Variants in GRIK1 observed in about 807,000 individuals in gnomAD.
GRIK1 encodes the protein glutamate ionotropic receptor kainate type subunit 1.
GRIK1 carries 69 observed loss-of-function variants against 105.7 expected under a neutral mutation model. The observed-to-expected ratio is 0.65, with a 90% CI of 0.54 to 0.80. The LOEUF is 0.80. Ranked by LOEUF, GRIK1 falls within the 30% of genes least tolerant of loss-of-function variation. The pLI is 0.00. For synonymous variants in GRIK1, 438 were observed against 431.3 expected (o/e 1.02, Z -0.19); for missense variants, 1,109 against 1,167.3 (o/e 0.95, Z 0.73).
chr21:29,678,528 G>T lies in GRIK1; in HGVS notation c.545-5364C>A, dbSNP rs541509505. Among the ~76,000 whole-genome samples the T allele has an allele frequency of 2.5e-4, 38 of 152,230 alleles. No individual in the cohort carries two copies. The Middle Eastern group carries it at 0.01, about 41-fold the overall frequency. Reference sequence around the variant, plus strand: ...TTTCAACAGTAGCTAAAAAGAATATGCCTGGCCTGGAATATCTAAATATTG... The same window carrying T: ...TTTCAACAGTAGCTAAAAAGAATATTCCTGGCCTGGAATATCTAAATATTG... On this transcript the variant is annotated intron_variant, in intron 3 of 17. Coordinates refer to ENST00000327783, the MANE Select transcript of GRIK1 (RefSeq NM_001330994.2).
intron 16 of GRIK1, 76 bp downstream of exon 16, chr21:29,554,976 C>T (rs891184645): frequency 1.6e-6 from 2 of 1,255,304 alleles, no homozygotes; most frequent in South Asian, 1.4e-5. Flanking sequence ...AAAGAGCAAA[C>T]ATCCTTAAAA....
intron 1 of GRIK1, among the ~76,000 whole-genome samples, chr21:29,746,692 T>C (rs978774242): frequency 6.6e-6 from 1 of 152,252 alleles, no homozygotes; most frequent in African/African-American, 2.4e-5. Context: ...GTGTTATCAA[T>C]TTTAATGAAT....
At chr21:29,546,335 C>A (rs773833228) in intron 16 of GRIK1, among the ~76,000 whole-genome samples, 1 of 152,222 alleles carries the variant, frequency 6.6e-6, no homozygotes, top group Non-Finnish European at 1.5e-5. Flanking sequence ...GCTTCACTGC[C>A]TACACGCTGT....
rs144276579 is a variant in GRIK1 at position 29,628,090 on chromosome 21, G to A, written c.1098+14736C>T. ...TTACTGTCTTTCTCAGGTCCACAGAGTACTGTACAATGACAAATATCTGAA... is the reference window on the plus strand; with the variant it reads ...TTACTGTCTTTCTCAGGTCCACAGAATACTGTACAATGACAAATATCTGAA... On this transcript the variant is annotated intron_variant, in intron 7 of 17. Transcript: ENST00000327783. 2.0e-3 allele frequency among the ~76,000 whole-genome samples: 310 copies of A among 152,244 alleles called. 3 individuals are homozygous for A. Among genetic ancestry groups the A allele is most frequent in the African/African-American group, 7.1e-3 (295 of 41,524 alleles).
intron 1 of GRIK1, among the ~76,000 whole-genome samples, chr21:29,794,963 C>G (rs1248846129): frequency 6.7e-6 from 1 of 148,388 alleles, no homozygotes; most frequent in Non-Finnish European, 1.5e-5. Context: ...CCTGGGCAAA[C>G]AGAATGTAAG....
At chr21:29,718,674 C>T (rs2064239247) in intron 1 of GRIK1, among the ~76,000 whole-genome samples, 1 of 152,154 alleles carries the variant, frequency 6.6e-6, no homozygotes, top group African/African-American at 2.4e-5. Flanking sequence ...TGGAAAGCGG[C>T]AGGTGCACAG....
chr21:29,860,676 A>C (rs1400310847), intron 1 of GRIK1, among the ~76,000 whole-genome samples: 3 of 152,210 alleles, frequency 2.0e-5, no homozygotes, highest in African/African-American at 7.2e-5. Context: ...CATGAGTGTA[A>C]TTTGGAGGAG....
At position 29,576,937 on chromosome 21, in the gene GRIK1, A is replaced by G. The variant is rs770145820; in HGVS notation, c.2130+27T>C. On this transcript the variant is annotated intron_variant, in intron 14 of 17. Transcript: ENST00000327783. ...ACTCTACCACAAGTATCAGATAATCACTGAGAACACTTTGTCAGCTTCTTA... is the reference window on the plus strand; with the variant it reads ...ACTCTACCACAAGTATCAGATAATCGCTGAGAACACTTTGTCAGCTTCTTA... The G allele has an allele frequency of 1.5e-5, 19 of 1,241,052 alleles. No homozygotes were observed. The South Asian group carries it at 2.3e-4, about 15-fold the overall frequency. 76.9% of individuals were successfully genotyped at this position (1,241,052 alleles called of 1,614,324 possible).
At chr21:29,578,446 A>T (rs144615076) in intron 13 of GRIK1, among the ~76,000 whole-genome samples, 79 of 152,360 alleles carry the variant, frequency 5.2e-4, no homozygotes, top group African/African-American at 1.9e-3. Context: ...CTATAAACAG[A>T]TGCAAATACG....
At chr21:29,732,282 T>A (rs2064650965) in intron 1 of GRIK1, among the ~76,000 whole-genome samples, 1 of 152,086 alleles carries the variant, frequency 6.6e-6, no homozygotes, top group Non-Finnish European at 1.5e-5. Flanking sequence ...ACAAAACCCA[T>A]CAGCACCTTC....
At chr21:29,552,538 TTAA>T (rs1223700328) in intron 16 of GRIK1, among the ~76,000 whole-genome samples, 6 of 152,070 alleles carry the variant, frequency 3.9e-5, no homozygotes, top group African/African-American at 9.7e-5. Flanking sequence ...TTTAAATGAA[TTAA>T]TAATAATGAT....
intron 1 of GRIK1, among the ~76,000 whole-genome samples, chr21:29,719,520 A>G (rs963459088): frequency 2.0e-5 from 3 of 152,208 alleles, no homozygotes; most frequent in African/African-American, 4.8e-5. Context: ...ATTCCTTGAG[A>G]AGAATTTAAA....
chr21:29,744,431 T>A (rs906209319), intron 1 of GRIK1, among the ~76,000 whole-genome samples: 1 of 152,230 alleles, frequency 6.6e-6, no homozygotes, highest in African/African-American at 2.4e-5. Flanking sequence ...CGCATGCATA[T>A]GCACATTTGC....
chr21:29,899,541 C>CT (rs59280454), intron 1 of GRIK1, among the ~76,000 whole-genome samples: 195 of 146,240 alleles, frequency 1.3e-3, no homozygotes, highest in South Asian at 5.6e-3. Context: ...GCTGCTTTAC[C>CT]TTTTTTTTTT....
intron 1 of GRIK1, among the ~76,000 whole-genome samples, chr21:29,750,039 G>T (rs1459234987): frequency 1.3e-5 from 2 of 151,970 alleles, no homozygotes; most frequent in Non-Finnish European, 2.9e-5. Flanking sequence ...AGTAGTATTA[G>T]TTGTAGGGAC....
At chr21:29,922,123 A>G (rs766141817) in intron 1 of GRIK1, among the ~76,000 whole-genome samples, 39 of 152,172 alleles carry the variant, frequency 2.6e-4, no homozygotes, top group Admixed American at 1.5e-3. Context: ...CAAGATCACC[A>G]TTAATCTGAT....
At chr21:29,701,087 A>C (rs535958818) in intron 1 of GRIK1, among the ~76,000 whole-genome samples, 19 of 152,296 alleles carry the variant, frequency 1.2e-4, no homozygotes, top group African/African-American at 4.3e-4. Context: ...GGTTATATAT[A>C]TTATGTCCAT....
intron 1 of GRIK1, among the ~76,000 whole-genome samples, chr21:29,701,369 A>G (rs546484615): frequency 6.6e-6 from 1 of 152,200 alleles, no homozygotes; most frequent in Non-Finnish European, 1.5e-5. Flanking sequence ...CACTCTGAAG[A>G]TACTGGGAGA....
intron 1 of GRIK1, among the ~76,000 whole-genome samples, chr21:29,855,875 C>T (rs976272882): frequency 2.6e-5 from 4 of 151,200 alleles, no homozygotes; most frequent in Non-Finnish European, 2.9e-5. Flanking sequence ...ATTTTTTTTT[C>T]AAGAAGAATC....
Sources: allele counts gnomAD v4.1 joint callset (sites outside exome capture counted in the v4.1 genomes callset), GRCh38; gene constraint gnomAD v4.1.1; transcripts MANE v1.5; gene names NCBI Gene and HGNC (gene_info 2026-07-23, HGNC 2026-07-21).